The following KIAA1328 variants were observed in gnomAD, a reference collection of about 807,000 sequenced individuals.
The protein encoded by KIAA1328 is protein hinderin.
A neutral mutation model predicts 68.1 loss-of-function variants in KIAA1328; 52 were observed. The ratio of observed to expected loss-of-function variants is 0.76; its 90% confidence interval spans 0.61 to 0.96. The LOEUF is 0.96. Ranked by LOEUF, KIAA1328 falls within the 40% of genes least tolerant of loss-of-function variation. The pLI, the probability that KIAA1328 is intolerant of heterozygous loss-of-function variation, is 0.00. For synonymous variants in KIAA1328, 232 were observed against 239.4 expected (o/e 0.97, Z 0.28); for missense variants, 641 against 677.6 (o/e 0.95, Z 0.60).
At chr18:36,921,365 A>C (rs982555326) in intron 5 of KIAA1328, among the ~76,000 whole-genome samples, 9 of 152,160 alleles carry the variant, frequency 5.9e-5, no homozygotes, top group Admixed American at 5.9e-4. Flanking sequence ...GAAGAAAAAT[A>C]GCCTATAAAA....
intron 7 of KIAA1328, among the ~76,000 whole-genome samples, chr18:37,142,434 G>A (rs1355466983): frequency 2.0e-5 from 3 of 151,910 alleles, no homozygotes; most frequent in African/African-American, 4.8e-5. Flanking sequence ...TCAGGTGATC[G>A]ATCCACCCAC....
intron 8 of KIAA1328, among the ~76,000 whole-genome samples, chr18:37,168,998 A>G (rs2059443222): frequency 6.6e-6 from 1 of 152,116 alleles, no homozygotes; most frequent in African/African-American, 2.4e-5. Context: ...ATAGGACATG[A>G]TCCATTATAA....
chr18:37,165,276 T>C (rs915341681), intron 8 of KIAA1328, among the ~76,000 whole-genome samples: 1 of 152,192 alleles, frequency 6.6e-6, no homozygotes, highest in African/African-American at 2.4e-5. Flanking sequence ...TTAGACCATC[T>C]AGGGGTTTTA....
At chr18:36,973,398 C>G (rs2052318113) in intron 6 of KIAA1328, among the ~76,000 whole-genome samples, 1 of 152,000 alleles carries the variant, frequency 6.6e-6, no homozygotes, top group Admixed American at 6.6e-5. Flanking sequence ...GGGTGCAGCA[C>G]ACAAATATGG....
At chr18:37,192,570 G>C (rs2154217730) in intron 9 of KIAA1328, among the ~76,000 whole-genome samples, 2 of 152,274 alleles carry the variant, frequency 1.3e-5, no homozygotes, top group East Asian at 3.9e-4. Context: ...CCAGCAGTCA[G>C]CTTACGGCTT....
intron 6 of KIAA1328, among the ~76,000 whole-genome samples, chr18:37,009,614 G>A (rs1433656090): frequency 1.3e-5 from 2 of 152,180 alleles, no homozygotes; most frequent in Non-Finnish European, 2.9e-5. Context: ...ACATCCTACA[G>A]TGTGCAAGAC....
At chr18:37,148,681 A>G (rs1252469294) in intron 7 of KIAA1328, among the ~76,000 whole-genome samples, 1 of 152,212 alleles carries the variant, frequency 6.6e-6, no homozygotes, top group Non-Finnish European at 1.5e-5. Context: ...ATGAGATGGT[A>G]TCTCTTTGTG....
At chr18:36,884,710 G>C (rs1219769463) in intron 4 of KIAA1328, among the ~76,000 whole-genome samples, 1 of 152,130 alleles carries the variant, frequency 6.6e-6, no homozygotes, top group African/African-American at 2.4e-5. Flanking sequence ...TGCATTCTAT[G>C]AGCTTTGGAG....
intron 7 of KIAA1328, among the ~76,000 whole-genome samples, chr18:37,095,868 T>C (rs2057390311): frequency 6.6e-6 from 1 of 152,132 alleles, no homozygotes; most frequent in Non-Finnish European, 1.5e-5. Context: ...AAAAACTGTA[T>C]TCTAACAAAT....
At chr18:37,164,389 C>T (rs1394668152) in intron 8 of KIAA1328, among the ~76,000 whole-genome samples, 1 of 152,194 alleles carries the variant, frequency 6.6e-6, no homozygotes, top group Non-Finnish European at 1.5e-5. Flanking sequence ...ATGTTTGTCT[C>T]TTCAGAGTTC....
In KIAA1328 at chr18:37,224,541, A is replaced by G. The variant is rs957933050; in HGVS notation, c.*2314A>G. 3.1e-6 allele frequency: 3 copies of G among 975,996 alleles called. No individual in the cohort carries two copies. The highest frequency in any genetic ancestry group is 1.1e-4 in the East Asian group (1 of 8,782). The allele number at this position is 975,996 out of a possible 1,614,324, so 60.5% of individuals were successfully genotyped here. A position where few individuals can be genotyped will look rare whatever the true frequency, so the allele number is the denominator to read the frequency against. On this transcript the variant is annotated 3_prime_UTR_variant, in exon 10 of 10. Coordinates refer to ENST00000280020, the MANE Select transcript of KIAA1328 (RefSeq NM_020776.3). ...AGGATGTAAATTTGTATATAATCTA[A>G]TGTCTTCATTATTAATTGAATAGTA...
intron 5 of KIAA1328, among the ~76,000 whole-genome samples, chr18:36,921,732 A>C (rs544841062): frequency 4.5e-4 from 69 of 152,062 alleles, no homozygotes; most frequent in African/African-American, 1.4e-3. Flanking sequence ...CAGACATCCA[A>C]CTTACAGATT....
At chr18:37,125,348 G>A (rs530532987) in intron 7 of KIAA1328, among the ~76,000 whole-genome samples, 32 of 152,194 alleles carry the variant, frequency 2.1e-4, no homozygotes, top group African/African-American at 7.5e-4. Flanking sequence ...CTTGTGTGGT[G>A]CAGCTAAAAC....
At chr18:36,876,399 T>G (rs764271085) in intron 4 of KIAA1328, among the ~76,000 whole-genome samples, 5 of 152,208 alleles carry the variant, frequency 3.3e-5, no homozygotes, top group Admixed American at 6.5e-5. Context: ...TAATTTAGTC[T>G]TGGGAAGGTG....
At chr18:37,037,403 A>C (rs1277342907) in intron 6 of KIAA1328, among the ~76,000 whole-genome samples, 1 of 152,062 alleles carries the variant, frequency 6.6e-6, no homozygotes, top group African/African-American at 2.4e-5. Context: ...ATATAGCTTT[A>C]TTTTTATTGT....
At chr18:37,057,157 G>A (rs1264627983) in intron 6 of KIAA1328, among the ~76,000 whole-genome samples, 1 of 151,998 alleles carries the variant, frequency 6.6e-6, no homozygotes, top group African/African-American at 2.4e-5. Flanking sequence ...AAGTCATATT[G>A]TTCACTTTTA....
At chr18:36,838,887 G>A (rs751838396) in intron 3 of KIAA1328, among the ~76,000 whole-genome samples, 30 of 151,794 alleles carry the variant, frequency 2.0e-4, no homozygotes, top group South Asian at 2.1e-4. Context: ...GGCGTGCACC[G>A]CCACACCCGG....
chr18:37,028,149 A>G (rs2054669634), intron 6 of KIAA1328, among the ~76,000 whole-genome samples: 1 of 152,234 alleles, frequency 6.6e-6, no homozygotes, highest in South Asian at 2.1e-4. Flanking sequence ...GTACGTGAGA[A>G]CATGTGGTAT....
chr18:37,092,798 A>G (rs919954980), intron 7 of KIAA1328, among the ~76,000 whole-genome samples: 5 of 152,156 alleles, frequency 3.3e-5, no homozygotes, highest in African/African-American at 4.8e-5. Flanking sequence ...AGTGCCAGAC[A>G]TGCTTCTTAG....
Sources: gnomAD v4.1 joint callset for allele counts (sites outside exome capture counted in the v4.1 genomes callset) on GRCh38, gnomAD v4.1.1 for gene constraint, MANE v1.5 for transcripts, NCBI Gene and HGNC (gene_info 2026-07-23, HGNC 2026-07-21) for gene names.